NALF1: variants seen among roughly 807,000 people sequenced by gnomAD.
NALF1 encodes the protein NALCN channel auxiliary factor 1.
Under a neutral mutation model 48.4 loss-of-function variants are expected in NALF1, and 3 were observed. That is an observed-to-expected ratio of 0.06 (90% CI 0.03 to 0.16). NALF1 has a LOEUF of 0.16. Ranked by LOEUF, NALF1 falls within the 10% of genes least tolerant of loss-of-function variation. The pLI is 1.00. For synonymous variants in NALF1, 262 were observed against 245.7 expected, an observed-to-expected ratio of 1.07 and a Z score of -0.62; for missense variants, 526 against 571.5, an observed-to-expected ratio of 0.92 and a Z score of 0.81.
At chr13:107,544,590 G>A (rs1877085645) in intron 1 of NALF1, among the ~76,000 whole-genome samples, 1 of 152,080 alleles carries the variant, frequency 6.6e-6, no homozygotes, top group African/African-American at 2.4e-5. Context: ...TCCATATCCT[G>A]ATTTAACTGG....
At chr13:107,347,193 C>T (rs542011550) in intron 1 of NALF1, among the ~76,000 whole-genome samples, 14 of 152,324 alleles carry the variant, frequency 9.2e-5, no homozygotes, top group African/African-American at 3.4e-4. Context: ...TTGCCAGACT[C>T]TTTTCCAAAG....
intron 1 of NALF1, among the ~76,000 whole-genome samples, chr13:107,796,747 C>T (rs953421852): frequency 6.6e-6 from 1 of 151,964 alleles, no homozygotes; most frequent in Non-Finnish European, 1.5e-5. Flanking sequence ...TTCTCCATGA[C>T]GTTATCAGAG....
chr13:107,468,108 C>T (rs1885038865), intron 1 of NALF1, among the ~76,000 whole-genome samples: 1 of 151,782 alleles, frequency 6.6e-6, no homozygotes, highest in South Asian at 2.1e-4. Flanking sequence ...AGTCAGAGGC[C>T]TGTTCTGTAC....
At chr13:107,420,759 T>C (rs1359486524) in intron 1 of NALF1, among the ~76,000 whole-genome samples, 5 of 152,224 alleles carry the variant, frequency 3.3e-5, no homozygotes, top group African/African-American at 1.2e-4. Flanking sequence ...GTTAAATCCA[T>C]AGATTATGTA....
At chr13:107,173,660 T>C (rs575311829) in intron 2 of NALF1, among the ~76,000 whole-genome samples, 2 of 152,314 alleles carry the variant, frequency 1.3e-5, no homozygotes, top group East Asian at 3.9e-4. Context: ...CTCGTCCCCT[T>C]CTTTCTCCTT....
At chr13:107,276,395 C>A (rs532960330) in intron 1 of NALF1, among the ~76,000 whole-genome samples, 266 of 152,284 alleles carry the variant, frequency 1.7e-3, no homozygotes, top group Non-Finnish European at 3.0e-3. Context: ...TTGTTCCTTT[C>A]TTCCCACAGA....
At chr13:107,655,996 T>C (rs564186870) in intron 1 of NALF1, among the ~76,000 whole-genome samples, 8 of 152,190 alleles carry the variant, frequency 5.3e-5, no homozygotes, top group African/African-American at 1.7e-4. Flanking sequence ...TCTCACCTTA[T>C]ACAAAGATCA....
chr13:107,832,448 C>T (rs1021457857), intron 1 of NALF1, among the ~76,000 whole-genome samples: 2 of 151,848 alleles, frequency 1.3e-5, no homozygotes, highest in Admixed American at 6.6e-5. Flanking sequence ...ATAAAATATT[C>T]ATATTTGGGG....
At chr13:107,540,498 AT>A (rs1447871114) in intron 1 of NALF1, among the ~76,000 whole-genome samples, 1 of 152,118 alleles carries the variant, frequency 6.6e-6, no homozygotes, top group Non-Finnish European at 1.5e-5. Flanking sequence ...TAAATATTTT[AT>A]ATGTATGTAT....
At chr13:107,852,514 T>C (rs1450277256) in intron 1 of NALF1, among the ~76,000 whole-genome samples, 2 of 152,212 alleles carry the variant, frequency 1.3e-5, no homozygotes, top group Non-Finnish European at 2.9e-5. Flanking sequence ...CATTAAAATG[T>C]TTCTTTATGC....
chr13:107,744,358 T>C (rs1489258478), intron 1 of NALF1, among the ~76,000 whole-genome samples: 1 of 152,170 alleles, frequency 6.6e-6, no homozygotes, highest in African/African-American at 2.4e-5. Flanking sequence ...TCGATGGTGG[T>C]TACTGTCATT....
intron 1 of NALF1, among the ~76,000 whole-genome samples, chr13:107,390,146 G>A (rs1480810453): frequency 6.6e-6 from 1 of 152,078 alleles, no homozygotes; most frequent in Admixed American, 6.6e-5. Context: ...GACAGGGGCA[G>A]ATCGCTTGAA....
In NALF1 at chr13:107,170,414, G is replaced by A. The variant is rs1480646254; in HGVS notation, c.*83C>T. 1.4e-6 allele frequency: 2 copies of A among 1,409,976 alleles called. No homozygotes were observed. The highest frequency in any genetic ancestry group is 1.9e-6 in the Non-Finnish European group (2 of 1,039,314). 87.3% of individuals were successfully genotyped at this position (1,409,976 alleles called of 1,614,324 possible). A position where few individuals can be genotyped will look rare whatever the true frequency, so the allele number is the denominator to read the frequency against. On this transcript the variant is annotated 3_prime_UTR_variant, in exon 3 of 3. Transcript: ENST00000375915. ...TGCAATAAGTAATTCGAGGGTAAAA[G>A]CACCCAGTTTCTGTTACATGAGACA...
Position 107,661,103 on chromosome 13 carries a change from C to T in NALF1, c.915+204579G>A, listed in dbSNP as rs140781040. On this transcript the variant is annotated intron_variant, in intron 1 of 2. Coordinates refer to ENST00000375915, the MANE Select transcript of NALF1 (RefSeq NM_001080396.3). ...GGATTGGAGCACCTCTCAAACAAGA[C>T]GTTTTCAGTGCTATGAGCTTCTAAA... Among the ~76,000 whole-genome samples, 722 of 152,264 alleles carry T rather than the reference C, an allele frequency of 4.7e-3. 4 individuals carry two copies. The highest frequency in any genetic ancestry group is 0.014 in the Middle Eastern group (4 of 294).
chr13:107,431,264 T>C (rs1212761911), intron 1 of NALF1, among the ~76,000 whole-genome samples: 1 of 152,178 alleles, frequency 6.6e-6, no homozygotes. Flanking sequence ...AAAAACAGTG[T>C]CCTTCCTAAT....
chr13:107,599,395 C>T (rs375633724), intron 1 of NALF1, among the ~76,000 whole-genome samples: 3 of 140,958 alleles, frequency 2.1e-5, no homozygotes, highest in Non-Finnish European at 3.0e-5. Context: ...GCACTCCAGC[C>T]GGGGCAACAG....
At chr13:107,591,025 T>C (rs1000262259) in intron 1 of NALF1, among the ~76,000 whole-genome samples, 6 of 151,960 alleles carry the variant, frequency 3.9e-5, no homozygotes, top group Non-Finnish European at 7.4e-5. Flanking sequence ...TAAAACTTAC[T>C]GATAGAAATA....
intron 1 of NALF1, among the ~76,000 whole-genome samples, chr13:107,490,747 G>T (rs775425436): frequency 6.6e-6 from 1 of 151,722 alleles, no homozygotes; most frequent in Admixed American, 6.6e-5. Context: ...CTGTATAGTC[G>T]TCACACACTT....
intron 1 of NALF1, among the ~76,000 whole-genome samples, chr13:107,358,363 A>G (rs1883000588): frequency 6.6e-6 from 1 of 152,170 alleles, no homozygotes; most frequent in Admixed American, 6.5e-5. Flanking sequence ...ACTGCTACAA[A>G]AAGTACTTGA....
Sources: gnomAD v4.1 joint callset for allele counts (sites outside exome capture counted in the v4.1 genomes callset) on GRCh38, gnomAD v4.1.1 for gene constraint, MANE v1.5 for transcripts, NCBI Gene and HGNC (gene_info 2026-07-23, HGNC 2026-07-21) for gene names.